KDM4C: variants seen among roughly 807,000 people sequenced by gnomAD.
KDM4C encodes the protein lysine demethylase 4C.
Under a neutral mutation model 129.3 loss-of-function variants are expected in KDM4C, and 81 were observed. The ratio of observed to expected loss-of-function variants is 0.63; its 90% CI spans 0.52 to 0.75. The LOEUF (loss-of-function observed/expected upper bound fraction) is 0.75, where lower values mean the gene tolerates loss of function less well. Among genes scored for constraint, KDM4C ranks in the 30% least tolerant of loss-of-function variants. The pLI, the probability that KDM4C is intolerant of heterozygous loss-of-function variation, is 0.00. For synonymous variants in KDM4C, 573 were observed against 456.1 expected, an observed-to-expected ratio of 1.26 and a Z score of -3.26; for missense variants, 1,457 against 1,304.0, an observed-to-expected ratio of 1.12 and a Z score of -1.81.
intron 18 of KDM4C, among the ~76,000 whole-genome samples, chr9:7,113,374 C>G (rs779708073): frequency 6.6e-6 from 1 of 152,220 alleles, no homozygotes; most frequent in South Asian, 2.1e-4. Context: ...TTCTCTTATT[C>G]ACATTATCAG....
At chr9:7,061,924 C>T (rs1453247212) in intron 17 of KDM4C, among the ~76,000 whole-genome samples, 2 of 152,220 alleles carry the variant, frequency 1.3e-5, no homozygotes, top group African/African-American at 4.8e-5. Context: ...CCAGAGACAC[C>T]TGGTATCACC....
chr9:6,972,744 G>A (rs889453959), intron 8 of KDM4C, among the ~76,000 whole-genome samples: 4 of 152,116 alleles, frequency 2.6e-5, no homozygotes, highest in Non-Finnish European at 5.9e-5. Context: ...TACCTGTTGG[G>A]TTTAAACTGA....
chr9:7,117,478 C>T (rs7023789), intron 18 of KDM4C, among the ~76,000 whole-genome samples: 73,391 of 151,898 alleles, frequency 0.48, 18,332 homozygotes, highest in East Asian at 0.75. Context: ...GGAAATATTA[C>T]CTTATTGTTG....
chr9:6,848,174 G>C (rs772082753), intron 4 of KDM4C, among the ~76,000 whole-genome samples: 1 of 152,100 alleles, frequency 6.6e-6, no homozygotes, highest in East Asian at 1.9e-4. Context: ...GATTACAGGC[G>C]TGAGCCACTG....
At chr9:6,859,157 C>T (rs1397804279) in intron 5 of KDM4C, among the ~76,000 whole-genome samples, 1 of 151,990 alleles carries the variant, frequency 6.6e-6, no homozygotes, top group Non-Finnish European at 1.5e-5. Context: ...TGATGTTTGC[C>T]AGGAACCATA....
intron 8 of KDM4C, among the ~76,000 whole-genome samples, chr9:6,943,923 A>G (rs1050831999): frequency 4.6e-5 from 7 of 152,170 alleles, no homozygotes; most frequent in South Asian, 2.1e-4. Context: ...TCACTTTGCT[A>G]TGCCTTGCTG....
chr9:6,816,029 C>T (rs1437189622), intron 4 of KDM4C, among the ~76,000 whole-genome samples: 1 of 152,026 alleles, frequency 6.6e-6, no homozygotes, highest in Non-Finnish European at 1.5e-5. Flanking sequence ...AGACCATATT[C>T]AAATTTTCCC....
chr9:6,919,247 T>TTTCTTTCTTTTCTTTCTTTCTTTC, intron 8 of KDM4C, among the ~76,000 whole-genome samples: 1 of 106,370 alleles, frequency 9.4e-6, no homozygotes, highest in Non-Finnish European at 2.0e-5. Flanking sequence ...TCTTTCTTTC[T>TTTCTTTCTTTTCTTTCTTTCTTTC]TTTCTTTCTT....
chr9:7,168,196 A>C (rs1356538777), intron 20 of KDM4C, among the ~76,000 whole-genome samples: 1 of 152,142 alleles, frequency 6.6e-6, no homozygotes. Flanking sequence ...CTCAAGAGAA[A>C]ACCAAAAACC....
intron 8 of KDM4C, among the ~76,000 whole-genome samples, chr9:6,954,670 A>G (rs1231963506): frequency 6.6e-6 from 1 of 152,186 alleles, no homozygotes; most frequent in Non-Finnish European, 1.5e-5. Context: ...CAAGGCTAAG[A>G]TATTCTAATT....
At chr9:7,171,095 C>T (rs1406470131) in intron 21 of KDM4C, among the ~76,000 whole-genome samples, 4 of 152,052 alleles carry the variant, frequency 2.6e-5, no homozygotes, top group Non-Finnish European at 5.9e-5. Context: ...CAGATGGGAT[C>T]CTGACAGCAG....
chr9:6,893,122 A>G lies in KDM4C; in HGVS notation c.811A>G (p.Ile271Val). ...AACCCAGGAGGCTGGAGAATTCATG[A>G]TCACTTTCCCATATGGCTACCATGC... The part of the protein sequence containing the change: ...KITQEAGEFM[I>V]TFPYGYHAGF... The change falls in exon 8 of 22, where the codon ATC becomes GTC. Residue 271 changes from isoleucine (I) to valine (V), a missense_variant. Transcript: ENST00000381309. The G allele has an allele frequency of 6.3e-7, 1 of 1,592,468 alleles. No individual in the cohort carries two copies. Among genetic ancestry groups the G allele is most frequent in the Non-Finnish European group, 8.6e-7 (1 of 1,169,076 alleles).
chr9:7,118,288 C>G (rs1319730492), intron 18 of KDM4C, among the ~76,000 whole-genome samples: 1 of 152,174 alleles, frequency 6.6e-6, no homozygotes, highest in African/African-American at 2.4e-5. Flanking sequence ...TGAACATACA[C>G]ACATGTGGAA....
chr9:6,942,322 T>TGTGTGTGTGTGTGTGTG (rs1589229348), intron 8 of KDM4C: 1 of 148,760 alleles, frequency 6.7e-6, no homozygotes, highest in Non-Finnish European at 1.5e-5. Flanking sequence ...TGTGTGTGTG[T>TGTGTGTGTGTGTGTGTG]TTAATCCTCC....
chr9:6,786,513 C>G (rs891347132), intron 1 of KDM4C, among the ~76,000 whole-genome samples: 1 of 152,146 alleles, frequency 6.6e-6, no homozygotes, highest in Non-Finnish European at 1.5e-5. Flanking sequence ...TGGACTCAGT[C>G]AAAAGAAGGG....
intron 8 of KDM4C, among the ~76,000 whole-genome samples, chr9:6,976,857 A>G (rs1269357547): frequency 2.6e-5 from 4 of 151,632 alleles, no homozygotes; most frequent in Non-Finnish European, 4.4e-5. Context: ...CGGTAAATAC[A>G]TTTTTGGTGG....
chr9:7,050,659 G>A (rs1253570723), intron 17 of KDM4C, among the ~76,000 whole-genome samples: 1 of 152,008 alleles, frequency 6.6e-6, no homozygotes, highest in African/African-American at 2.4e-5. Flanking sequence ...AATCACCTTT[G>A]TTTCTGTGTT....
chr9:7,047,429 G>C (rs1034870111), intron 16 of KDM4C, among the ~76,000 whole-genome samples: 1 of 152,026 alleles, frequency 6.6e-6, no homozygotes, highest in South Asian at 2.1e-4. Flanking sequence ...AAGGGATCAG[G>C]TGGAGAATAT....
intron 3 of KDM4C, among the ~76,000 whole-genome samples, chr9:6,806,497 A>AT (rs1255821353): frequency 2.1e-5 from 3 of 141,376 alleles, no homozygotes; most frequent in Non-Finnish European, 4.6e-5. Context: ...TCCGTCTCGA[A>AT]AAAATAAATA....
Sources: allele counts gnomAD v4.1 joint callset (sites outside exome capture counted in the v4.1 genomes callset), GRCh38; gene constraint gnomAD v4.1.1; transcripts MANE v1.5; gene names NCBI Gene and HGNC (gene_info 2026-07-23, HGNC 2026-07-21).